Variants in RIPK3 observed in about 807,000 individuals in gnomAD.
RIPK3 encodes receptor-interacting serine/threonine-protein kinase 3.
RIPK3 carries 51 observed loss-of-function variants against 51.6 expected under a neutral mutation model. That is an observed-to-expected ratio of 0.99 (90% CI 0.79 to 1.25). The LOEUF is 1.25. Ranked by LOEUF, RIPK3 falls within the 50% of genes most tolerant of loss-of-function variation. The pLI is 0.00. For synonymous variants in RIPK3, 246 were observed against 257.7 expected, an observed-to-expected ratio of 0.95 and a Z score of 0.44; for missense variants, 654 against 650.4, an observed-to-expected ratio of 1.01 and a Z score of -0.06.
chr14:24,338,963 G>A (rs765807482), intron 3 of RIPK3, 52 bp downstream of exon 3: 6 of 1,473,046 alleles, frequency 4.1e-6, no homozygotes, highest in Non-Finnish European at 4.7e-6. Context: ...GGCCTGGCTG[G>A]AGCAGCTCTG....
chr14:24,338,084 A>C (rs952956124), intron 5 of RIPK3, 44 bp from the exon 6 acceptor site: 3 of 1,613,858 alleles, frequency 1.9e-6, no homozygotes, highest in Admixed American at 3.3e-5. Context: ...ATTCAGGGTA[A>C]AAGGGAATTA....
At chr14:24,336,836 T>A in intron 9 of RIPK3, 49 bp downstream of exon 9, 1 of 1,495,932 alleles carries the variant, frequency 6.7e-7, no homozygotes, top group Non-Finnish European at 9.3e-7. Context: ...GGAGGAGGAG[T>A]CTGGTGGAAG....
At chr14:24,338,079 G>A (rs749012241) in intron 5 of RIPK3, 39 bp from the exon 6 acceptor site, 1 of 1,613,918 alleles carries the variant, frequency 6.2e-7, no homozygotes, top group South Asian at 1.1e-5. Context: ...AAGGCATTCA[G>A]GGTAAAAGGG....
chr14:24,339,984 C>A lies in RIPK3; in HGVS notation c.-158G>T. 2.7e-6 allele frequency: 2 copies of A among 729,540 alleles called. No homozygotes were observed. The highest frequency in any genetic ancestry group is 3.1e-5 in the East Asian group (1 of 32,332). The allele number at this position is 729,540 out of a possible 1,614,324, so 45.2% of individuals were successfully genotyped here. On this transcript the variant is annotated 5_prime_UTR_variant, in exon 1 of 10. The change creates a new upstream start codon in the 5' untranslated region. Transcript: ENST00000216274. This position sits in a 1 kb window ranked among gnomAD's most constrained non-coding sequence, Gnocchi z 4.0. ...TGAGTCTACTTTCCGGGTTGTTACCCTTTTTCCGAGTTGACTGAACAACTT... is the reference window on the plus strand; with the variant it reads ...TGAGTCTACTTTCCGGGTTGTTACCATTTTTCCGAGTTGACTGAACAACTT...
chr14:24,336,955 G>T lies in RIPK3; in HGVS notation c.1276-10C>A, dbSNP rs1362891988. The T allele has an allele frequency of 6.2e-7, 1 of 1,613,416 alleles. No homozygotes were observed. The highest frequency in any genetic ancestry group is 1.7e-5 in the Admixed American group (1 of 59,978). On this transcript the variant is annotated splice_polypyrimidine_tract_variant and intron_variant, in intron 8 of 9. Coordinates refer to ENST00000216274, the MANE Select transcript of RIPK3 (RefSeq NM_006871.4). ...CTTGTCTCTCAGCCCCCTGCAAACA[G>T]CACAGAGCATCCAGTTCTGCCCTGG... is the stretch of plus-strand genomic sequence containing the variant.
At chr14:24,336,766 T>G (rs755596139) in intron 9 of RIPK3, 119 bp downstream of exon 9, 1 of 972,850 alleles carries the variant, frequency 1.0e-6, no homozygotes, top group South Asian at 1.3e-5. Context: ...ATGAGAAGGT[T>G]GAGTTAGATC....
At chr14:24,337,026 G>A in intron 8 of RIPK3, 60 bp downstream of exon 8, 1 of 1,605,690 alleles carries the variant, frequency 6.2e-7, no homozygotes, top group Non-Finnish European at 8.5e-7. Context: ...AGTTTTCGCT[G>A]GCAAGGGGAC....
At position 24,337,898 on chromosome 14, in the gene RIPK3, C is replaced by G. The variant is rs1318578787; in HGVS notation, c.807G>C (p.Glu269Asp). 3 of 1,614,202 alleles carry G rather than the reference C, an allele frequency of 1.9e-6. No individual in the cohort carries two copies. In the Admixed American group the frequency reaches 5.0e-5, roughly 27 times the overall value. Residue 269 changes from glutamate (E) to aspartate (D), a missense_variant, in exon 6 of 10, where the codon GAG (glutamate) becomes GAC (aspartate). Glu to Asp is a conservative substitution (Grantham distance 45). Transcript: ENST00000216274. ...CCTGGAAGGAGGGTCTGTCCTTGGG[C>G]TCACTGCTCCAGCAGAGCTGCATTA... ...KELMQLCWSS[E>D]PKDRPSFQEC... is the part of the protein sequence containing the mutation.
intron 8 of RIPK3, 37 bp downstream of exon 8, chr14:24,337,049 A>G: frequency 6.2e-7 from 1 of 1,608,700 alleles, no homozygotes; most frequent in Non-Finnish European, 8.5e-7. Flanking sequence ...CATTTATAGG[A>G]CTCTTAGTGC....
Position 24,339,237 on chromosome 14 carries a change from G to A in RIPK3, c.249C>T (p.Asn83=), listed in dbSNP as rs759953883. The change falls in exon 3 of 10, where the codon AAC becomes AAT. Residue 83 remains asparagine (N), a synonymous_variant. Transcript: ENST00000216274. This position sits in a 1 kb window ranked among gnomAD's most constrained non-coding sequence, Gnocchi z 4.0. The part of the protein sequence containing the change: ...LRLEGVIEKV[N]WDQDPKPALV... Reference sequence around the variant, plus strand: ...GAGCCGGCTTGGGATCTTGGTCCCAGTTCACCTTCTCGATAACCCCTTCTA... The same window carrying A: ...GAGCCGGCTTGGGATCTTGGTCCCAATTCACCTTCTCGATAACCCCTTCTA... 1.2e-6 allele frequency: 2 copies of A among 1,614,254 alleles called. No homozygotes were observed. Among genetic ancestry groups the A allele is most frequent in the East Asian group, 4.5e-5 (2 of 44,886 alleles).
Position 24,339,848 on chromosome 14 carries a change from G to A in RIPK3, c.-22C>T. On this transcript the variant is annotated 5_prime_UTR_variant, in exon 1 of 10. Coordinates refer to ENST00000216274, the MANE Select transcript of RIPK3 (RefSeq NM_006871.4). The surrounding 1 kb of genome is among the most constrained non-coding windows in gnomAD (Gnocchi z 4.0). ...ACATCAGGCTGGAAGGTGCCAGGGG[G>A]CCTCTGGAAATTGCGAGCCGTAGGA... 1 of 1,550,746 alleles carries A rather than the reference G, an allele frequency of 6.4e-7. No homozygotes were observed. Among genetic ancestry groups the A allele is most frequent in the Non-Finnish European group, 8.7e-7 (1 of 1,153,384 alleles).
At position 24,338,301 on chromosome 14, in the gene RIPK3, G is replaced by A. The variant is rs2042156225; in HGVS notation, c.618-6C>T. 1 of 1,526,130 alleles carries A rather than the reference G, an allele frequency of 6.6e-7. No individual in the cohort carries two copies. Among genetic ancestry groups the A allele is most frequent in the Non-Finnish European group, 8.8e-7 (1 of 1,136,710 alleles). 94.5% of individuals were successfully genotyped at this position (1,526,130 alleles called of 1,614,324 possible). A position where few individuals can be genotyped will look rare whatever the true frequency, so the allele number is the denominator to read the frequency against. On this transcript the variant is annotated splice_polypyrimidine_tract_variant and splice_region_variant and intron_variant, in intron 4 of 9. Transcript: ENST00000216274. ...CCCACATTAGGATCCCGAAGCTGCA[G>A]GAGACACAAAGCTGAGGATCGGTCC...
chr14:24,338,608 G>C (rs372641645), intron 3 of RIPK3, 41 bp from the exon 4 acceptor site: 200 of 1,570,500 alleles, frequency 1.3e-4, no homozygotes, highest in Middle Eastern at 1.8e-4. Context: ...GGAAGACAAG[G>C]GGGCCAGAGA....
At position 24,338,007 on chromosome 14, in the gene RIPK3, A is replaced by G. The variant is rs768165733; in HGVS notation, c.698T>C (p.Val233Ala). 171 of 1,614,036 alleles carry G rather than the reference A, an allele frequency of 1.1e-4. No individual in the cohort carries two copies. Among genetic ancestry groups the G allele is most frequent in the Non-Finnish European group, 1.4e-4 (164 of 1,180,040 alleles). The change falls in exon 6 of 10, where the codon GTG (valine) becomes GCG (alanine). Residue 233 changes from valine to alanine, a missense_variant. Transcript: ENST00000216274. ...TGAAGGCCGGTTCTGCCTGTTGCAC[A>G]CTGCTTCGTACACGAGTGATGGTTC... ...PTEPSLVYEA[V>A]CNRQNRPSLA...
In RIPK3 at chr14:24,339,797, C is replaced by T. The variant is rs772347838; in HGVS notation, c.20+10G>A. On this transcript the variant is annotated intron_variant, in intron 1 of 9. Coordinates refer to ENST00000216274, the MANE Select transcript of RIPK3 (RefSeq NM_006871.4). The surrounding 1 kb of genome is among the most constrained non-coding windows in gnomAD (Gnocchi z 4.0). ...CGGAGGCTGCGATCGACATGCCACT[C>T]CCTACTCACCATAACTTGACGCACG... The T allele has an allele frequency of 6.3e-7, 1 of 1,577,558 alleles. No individual in the cohort carries two copies. The highest frequency in any genetic ancestry group is 8.6e-7 in the Non-Finnish European group (1 of 1,163,280).
In RIPK3 at chr14:24,337,291, G is replaced by A. The variant is rs1376120968; in HGVS notation, c.1070C>T (p.Pro357Leu). ...EWLNKLNLEE[P>L]PSSVPKKCPS... ...GCATTTTTTAGGAACAGAGCTGGGA[G>A]GCTCCTCTAGATTCAGTTTGTTTAG... The change falls in exon 8 of 10, where the codon CCT becomes CTT. Residue 357 changes from proline to leucine, a missense_variant. Pro to Leu is a moderately conservative substitution (Grantham distance 98). Transcript: ENST00000216274. 33 of 1,613,972 alleles carry A rather than the reference G, an allele frequency of 2.0e-5. No individual in the cohort carries two copies. Among genetic ancestry groups the A allele is most frequent in the Non-Finnish European group, 2.6e-5 (31 of 1,180,050 alleles).
In RIPK3 at chr14:24,338,499, C is replaced by A. The variant is rs750344295; in HGVS notation, c.540G>T (p.Gly180=). 1.8e-5 allele frequency: 29 copies of A among 1,613,662 alleles called. No homozygotes were observed. The highest frequency in any genetic ancestry group is 2.4e-5 in the Non-Finnish European group (28 of 1,179,738). ...CTGGGGCCAAGTAGCCCAGGGTGCC[C>A]CCTGGCTCCCCGGACCCTGTCCCTG... The part of the protein sequence containing the change: ...SQSGTGSGEP[G]GTLGYLAPEL... The change falls in exon 4 of 10, where the codon GGG becomes GGT. Residue 180 remains glycine, a synonymous_variant. Transcript: ENST00000216274.
rs2042171303 is a variant in RIPK3, at chr14:24,339,680, T to G, written c.21-83A>C. 6.3e-7 allele frequency: 1 copy of G among 1,598,108 alleles called. No individual in the cohort carries two copies. The highest frequency in any genetic ancestry group is 8.6e-7 in the Non-Finnish European group (1 of 1,169,570). On this transcript the variant is annotated intron_variant, in intron 1 of 9. Transcript: ENST00000216274. This position sits in a 1 kb window ranked among gnomAD's most constrained non-coding sequence, Gnocchi z 4.0. ...CGCCCCTGTGACTCGGCGTTCTCAC[T>G]GCAATCCCCAGCCTCCCTCGCCGGC... is the stretch of plus-strand genomic sequence containing the variant.
chr14:24,338,327 A>T (rs1229171760), intron 4 of RIPK3, 32 bp from the exon 5 acceptor site: 2 of 1,535,044 alleles, frequency 1.3e-6, no homozygotes, highest in African/African-American at 2.8e-5. Flanking sequence ...GGATCGGTCC[A>T]ATCACTGGCA....
Sources: allele counts gnomAD v4.1 joint callset, GRCh38; gene constraint gnomAD v4.1.1; non-coding constraint Gnocchi (gnomAD v3.1); transcripts MANE v1.5; gene names NCBI Gene and HGNC (gene_info 2026-07-23, HGNC 2026-07-21).